CCDC134: variants seen among roughly 807,000 people sequenced by gnomAD.
CCDC134 encodes coiled-coil domain containing 134, also known as coiled-coil domain-containing protein 134.
CCDC134 carries 27 observed loss-of-function variants against 25.6 expected under a neutral mutation model. The ratio of observed to expected loss-of-function variants is 1.05; its 90% confidence interval spans 0.78 to 1.45. The LOEUF (loss-of-function observed/expected upper bound fraction) is 1.45. Ranked by LOEUF, CCDC134 falls within the 40% of genes most tolerant of loss-of-function variation. CCDC134 has a pLI of 0.00. For missense variants in CCDC134, 261 were observed against 286.7 expected (o/e 0.91, Z 0.65); for synonymous variants, 110 against 115.0 (o/e 0.96, Z 0.28).
Position 41,810,275 on chromosome 22 carries a change from C to A in CCDC134, c.294C>A (p.Asp98Glu), listed in dbSNP as rs375620106. 4 of 1,613,916 alleles carry A rather than the reference C, an allele frequency of 2.5e-6. No individual in the cohort carries two copies. The South Asian group carries it at 3.3e-5, about 13-fold the overall frequency. The change falls in exon 4 of 7, where the codon GAC (aspartate) becomes GAA (glutamate). Residue 98 changes from aspartate (D) to glutamate (E), a missense_variant. Physicochemically the swap from Asp to Glu is conservative, Grantham distance 45. Transcript: ENST00000255784. ...TCCCAGATGGGCCCTTCCCCCAGGACGAGAAGCTGAAGGATGGTATGGTCT... is the reference window on the plus strand; with the variant it reads ...TCCCAGATGGGCCCTTCCCCCAGGAAGAGAAGCTGAAGGATGGTATGGTCT... ...DVLPDGPFPQ[D>E]EKLKDAFSHV...
chr22:41,812,450 G>C (rs2076601552), intron 4 of CCDC134, among the ~76,000 whole-genome samples: 1 of 149,652 alleles, frequency 6.7e-6, no homozygotes. Context: ...AAAAAGGATG[G>C]TAACATTAGA....
In CCDC134 at chr22:41,830,810, C is replaced by G. The variant is rs1273367395; in HGVS notation, c.*4987C>G. Among the ~76,000 whole-genome samples, 1 of 152,076 alleles carries G rather than the reference C, an allele frequency of 6.6e-6. No individual in the cohort carries two copies. Among genetic ancestry groups the G allele is most frequent in the Non-Finnish European group, 1.5e-5 (1 of 68,018 alleles). On this transcript the variant is annotated 3_prime_UTR_variant, in exon 7 of 7. Transcript: ENST00000255784. Reference sequence around the variant, plus strand: ...TCACTACTCCTGTAACTATGTCTGACAGCCAGCTGTTGGGTCTTCCATCGT... The same window carrying G: ...TCACTACTCCTGTAACTATGTCTGAGAGCCAGCTGTTGGGTCTTCCATCGT...
At chr22:41,821,074 G>A (rs2076649619) in intron 6 of CCDC134, among the ~76,000 whole-genome samples, 1 of 152,178 alleles carries the variant, frequency 6.6e-6, no homozygotes, top group Non-Finnish European at 1.5e-5. Flanking sequence ...TTTCCCAGAG[G>A]CCACATGAGG....
chr22:41,830,851 G>A lies in CCDC134; in HGVS notation c.*5028G>A, dbSNP rs1431968076. Among the ~76,000 whole-genome samples the A allele has an allele frequency of 6.6e-6, 1 of 151,174 alleles. No individual in the cohort carries two copies. Among genetic ancestry groups the A allele is most frequent in the African/African-American group, 2.4e-5 (1 of 41,048 alleles). On this transcript the variant is annotated 3_prime_UTR_variant, in exon 7 of 7. Coordinates refer to ENST00000255784, the MANE Select transcript of CCDC134 (RefSeq NM_024821.5). ...CTTCCATCGTTTTTAACCTTCAGGT[G>A]AGCACACAGATCCTTATTTTTTCTT...
At position 41,810,214 on chromosome 22, in the gene CCDC134, A is replaced by G; in HGVS notation, c.233A>G (p.Glu78Gly). 1 of 1,613,954 alleles carries G rather than the reference A, an allele frequency of 6.2e-7. No individual in the cohort carries two copies. Among genetic ancestry groups the G allele is most frequent in the Non-Finnish European group, 8.5e-7 (1 of 1,179,908 alleles). ...CTGGCGGGATTCCCTCAGGTGCTGGAGGACTCCCGGACAGTGCTCACCGCT... is the reference window on the plus strand; with the variant it reads ...CTGGCGGGATTCCCTCAGGTGCTGGGGGACTCCCGGACAGTGCTCACCGCT... ...VMLKGLFKVL[E>G]DSRTVLTAAD... is the part of the protein sequence containing the mutation. Residue 78 changes from glutamate to glycine, a missense_variant, in exon 4 of 7, where the codon GAG (glutamate) becomes GGG (glycine). Glu to Gly is a moderately conservative substitution (Grantham distance 98). Transcript: ENST00000255784.
At chr22:41,803,828 A>G (rs1307171347) in intron 1 of CCDC134, among the ~76,000 whole-genome samples, 7 of 152,108 alleles carry the variant, frequency 4.6e-5, no homozygotes, top group African/African-American at 1.7e-4. Flanking sequence ...TGATAATCTC[A>G]GTTTGCATAA....
chr22:41,819,999 A>T lies in CCDC134; in HGVS notation c.565-5699A>T, dbSNP rs1178881456. On this transcript the variant is annotated intron_variant, in intron 6 of 6. Transcript: ENST00000255784. Reference sequence around the variant, plus strand: ...TATATATATATATATATATATATATAATTTTTTTTTTTTGAGACGGAGTCT... The same window carrying T: ...TATATATATATATATATATATATATTATTTTTTTTTTTTGAGACGGAGTCT... 5.1e-4 allele frequency among the ~76,000 whole-genome samples: 56 copies of T among 109,004 alleles called. 1 individual carries two copies. Among genetic ancestry groups the T allele is most frequent in the Middle Eastern group, 9.9e-3 (2 of 202 alleles). The allele number at this position is 109,004 out of a possible 152,430, so 71.5% of individuals were successfully genotyped here.
In CCDC134 at chr22:41,809,875, C is replaced by G; in HGVS notation, c.104-4C>G. ...TGCCAGCCCCTTAACTTAATTCTGC[C>G]CAGACAAGAAGATGTTTGAGGTGAA... On this transcript the variant is annotated splice_region_variant and splice_polypyrimidine_tract_variant and intron_variant, in intron 2 of 6. Transcript: ENST00000255784. 6.2e-7 allele frequency: 1 copy of G among 1,614,074 alleles called. No homozygotes were observed.
Position 41,813,798 on chromosome 22 carries a change from C to T in CCDC134, c.540C>T (p.Asn180=), listed in dbSNP as rs746089906. 9.3e-6 allele frequency: 15 copies of T among 1,614,102 alleles called. No individual in the cohort carries two copies. In the South Asian group the frequency reaches 1.3e-4, roughly 14 times the overall value. ...GISEKDSNFQ[N]PFKIDRTEFI... Reference sequence around the variant, plus strand: ...GTGAGAAAGACTCCAACTTCCAGAACCCATTTAAAATCGACCGCACAGAGG... The same window carrying T: ...GTGAGAAAGACTCCAACTTCCAGAATCCATTTAAAATCGACCGCACAGAGG... The change falls in exon 6 of 7, where the codon AAC becomes AAT. Residue 180 remains asparagine, a synonymous_variant. Transcript: ENST00000255784.
At position 41,829,742 on chromosome 22, in the gene CCDC134, C is replaced by A. The variant is rs186010312; in HGVS notation, c.*3919C>A. ...GTAGATATCGAAACATAGTGGTTACCCAGTCTAATCCATCCCTTTTCTTTC... is the reference window on the plus strand; with the variant it reads ...GTAGATATCGAAACATAGTGGTTACACAGTCTAATCCATCCCTTTTCTTTC... On this transcript the variant is annotated 3_prime_UTR_variant, in exon 7 of 7. Coordinates refer to ENST00000255784, the MANE Select transcript of CCDC134 (RefSeq NM_024821.5). Among the ~76,000 whole-genome samples the A allele has an allele frequency of 1.1e-3, 166 of 152,214 alleles. No homozygotes were observed. Among genetic ancestry groups the A allele is most frequent in the Middle Eastern group, 6.8e-3 (2 of 294 alleles).
Position 41,800,768 on chromosome 22 carries a change from T to C in CCDC134, c.-17+2T>C, listed in dbSNP as rs1369815185. On this transcript the variant is annotated splice_donor_variant, in intron 1 of 6. Transcript: ENST00000255784. LOFTEE classifies it low-confidence loss of function (5UTR_SPLICE). Reference sequence around the variant, plus strand: ...GCCCTTCCTGCACCGACTGGCCAGGTAGGTGGCTGTAGGGGCCGCGGGCTG... The same window carrying C: ...GCCCTTCCTGCACCGACTGGCCAGGCAGGTGGCTGTAGGGGCCGCGGGCTG... 2 of 152,236 alleles carry C rather than the reference T, an allele frequency of 1.3e-5. No homozygotes were observed. Among genetic ancestry groups the C allele is most frequent in the African/African-American group, 2.4e-5 (1 of 41,430 alleles). 9.4% of individuals were successfully genotyped at this position (152,236 alleles called of 1,614,324 possible).
chr22:41,801,182 T>C (rs1403632113), intron 1 of CCDC134, among the ~76,000 whole-genome samples: 1 of 152,212 alleles, frequency 6.6e-6, no homozygotes, highest in Non-Finnish European at 1.5e-5. Flanking sequence ...GTATTCTCCT[T>C]GGCCCCTAAA....
intron 1 of CCDC134, among the ~76,000 whole-genome samples, chr22:41,805,374 G>A (rs1481626771): frequency 1.3e-5 from 2 of 152,156 alleles, no homozygotes; most frequent in Admixed American, 6.6e-5. Flanking sequence ...CAAGGCTACA[G>A]TGAGCCATGA....
At chr22:41,824,857 G>T (rs116138011) in intron 6 of CCDC134, among the ~76,000 whole-genome samples, 6 of 152,166 alleles carry the variant, frequency 3.9e-5, no homozygotes, top group African/African-American at 1.4e-4. Context: ...GGCCCCTAGA[G>T]TCATCCAGCA....
chr22:41,821,699 C>A (rs559665736), intron 6 of CCDC134, among the ~76,000 whole-genome samples: 1 of 152,152 alleles, frequency 6.6e-6, no homozygotes, highest in East Asian at 1.9e-4. Flanking sequence ...CGTGATGAGG[C>A]CAGGGGCTAG....
At chr22:41,804,825 A>G (rs1335113909) in intron 1 of CCDC134, among the ~76,000 whole-genome samples, 1 of 151,514 alleles carries the variant, frequency 6.6e-6, no homozygotes, top group African/African-American at 2.4e-5. Context: ...ATCTCAGTAC[A>G]TTGGGAGCCC....
In CCDC134 at chr22:41,831,377, G is replaced by T. The variant is rs1435404490; in HGVS notation, c.*5554G>T. 1 of 152,124 alleles carries T rather than the reference G, an allele frequency of 6.6e-6. No homozygotes were observed. The highest frequency in any genetic ancestry group is 6.6e-5 in the Admixed American group (1 of 15,266). 9.4% of individuals were successfully genotyped at this position (152,124 alleles called of 1,614,324 possible). ...AATTTTTGTATTTTTAGTAGAGACG[G>T]GGTTTCACCATGTTGGTCAGGCTGG... On this transcript the variant is annotated 3_prime_UTR_variant, in exon 7 of 7. Coordinates refer to ENST00000255784, the MANE Select transcript of CCDC134 (RefSeq NM_024821.5).
intron 1 of CCDC134, among the ~76,000 whole-genome samples, chr22:41,802,531 C>G (rs900284213): frequency 6.6e-6 from 1 of 152,138 alleles, no homozygotes; most frequent in Admixed American, 6.6e-5. Context: ...GCCTGGGCAA[C>G]CGCCAAGGCG....
At chr22:41,810,912 C>G (rs2076592890) in intron 4 of CCDC134, among the ~76,000 whole-genome samples, 1 of 152,158 alleles carries the variant, frequency 6.6e-6, no homozygotes, top group African/African-American at 2.4e-5. Flanking sequence ...AGACACTGTT[C>G]TCTCTACTTT....
Sources: allele counts gnomAD v4.1 joint callset (sites outside exome capture counted in the v4.1 genomes callset), GRCh38; gene constraint gnomAD v4.1.1; transcripts MANE v1.5; gene names NCBI Gene and HGNC (gene_info 2026-07-23, HGNC 2026-07-21).